Variants in CCDC61 observed in about 807,000 individuals in gnomAD.
CCDC61 encodes centrosomal protein CCDC61.
Under a neutral mutation model 63.0 loss-of-function variants are expected in CCDC61, and 55 were observed. The ratio of observed to expected loss-of-function variants is 0.87; its 90% CI spans 0.70 to 1.09. The LOEUF (loss-of-function observed/expected upper bound fraction) is 1.09, where lower values mean the gene tolerates loss of function less well. Ranked by LOEUF, CCDC61 falls within the 50% of genes least tolerant of loss-of-function variation. CCDC61 has a pLI of 0.00. For synonymous variants in CCDC61, 270 were observed against 317.0 expected (o/e 0.85, Z 1.58); for missense variants, 651 against 731.4 (o/e 0.89, Z 1.27).
At chr19:45,999,246 G>T (rs1368752872) in intron 1 of CCDC61, among the ~76,000 whole-genome samples, 2 of 152,096 alleles carry the variant, frequency 1.3e-5, no homozygotes, top group Admixed American at 1.3e-4. Flanking sequence ...TTCATTGCTT[G>T]GTTCCCCAGA....
At chr19:46,008,412 A>ATT (rs1292695888) in intron 5 of CCDC61, 111 bp downstream of exon 5, 1 of 935,302 alleles carries the variant, frequency 1.1e-6, no homozygotes, top group African/African-American at 1.7e-5. Context: ...CCCACCACGT[A>ATT]TTCTTTTTTT....
intron 1 of CCDC61, among the ~76,000 whole-genome samples, chr19:45,997,171 G>A (rs1013659083): frequency 6.6e-6 from 1 of 152,078 alleles, no homozygotes; most frequent in Non-Finnish European, 1.5e-5. Flanking sequence ...TGAACGCACT[G>A]CCACCTCAGG....
intron 1 of CCDC61, among the ~76,000 whole-genome samples, chr19:45,997,622 C>G (rs1968518178): frequency 6.6e-6 from 1 of 152,058 alleles, no homozygotes; most frequent in African/African-American, 2.4e-5. Flanking sequence ...AACTCCTGAC[C>G]TCAGGTGATC....
chr19:46,017,343 T>C (rs532880648), intron 12 of CCDC61, 39 bp downstream of exon 12: 3 of 1,524,904 alleles, frequency 2.0e-6, no homozygotes, highest in South Asian at 2.4e-5. Context: ...GGAACACAGC[T>C]GCCCCCATTT....
Position 46,005,483 on chromosome 19 carries a change from G to C in CCDC61, c.232-1076G>C, listed in dbSNP as rs548746241. Among the ~76,000 whole-genome samples the C allele has an allele frequency of 3.0e-4, 45 of 151,744 alleles. No homozygotes were observed. The South Asian group carries it at 9.4e-3, about 32-fold the overall frequency. Reference sequence around the variant, plus strand: ...ATGCATTGGTCATTTGGAAAATATTGGTTCACTAAGTTGTGCAGATTTTCC... The same window carrying C: ...ATGCATTGGTCATTTGGAAAATATTCGTTCACTAAGTTGTGCAGATTTTCC... On this transcript the variant is annotated intron_variant, in intron 3 of 13. Transcript: ENST00000595358.
intron 1 of CCDC61, 25 bp from the exon 2 acceptor site, chr19:46,002,983 G>A (rs1968619016): frequency 4.5e-6 from 7 of 1,551,622 alleles, no homozygotes; most frequent in Non-Finnish European, 6.1e-6. Context: ...GCTCCTCTAG[G>A]TTTCTCTCTC....
intron 1 of CCDC61, among the ~76,000 whole-genome samples, chr19:46,000,424 G>A (rs1446638023): frequency 6.6e-6 from 1 of 151,798 alleles, no homozygotes; most frequent in African/African-American, 2.4e-5. Context: ...GGAGGAGAGT[G>A]CGGCTGCCTC....
chr19:46,004,948 C>T (rs949845906), intron 3 of CCDC61, among the ~76,000 whole-genome samples: 6 of 146,944 alleles, frequency 4.1e-5, no homozygotes, highest in African/African-American at 1.3e-4. Flanking sequence ...AAGTGATTCT[C>T]ATGCCTCAGC....
Position 45,995,517 on chromosome 19 carries a change from G to A in CCDC61, c.-12+13G>A, listed in dbSNP as rs752115567. 1.9e-6 allele frequency: 1 copy of A among 518,860 alleles called. No individual in the cohort carries two copies. The highest frequency in any genetic ancestry group is 4.0e-6 in the Non-Finnish European group (1 of 252,342). The allele number at this position is 518,860 out of a possible 1,614,324, so 32.1% of individuals were successfully genotyped here. ...GCTAGTGGAGAAGGTGAGAGGCCGC[G>A]GGAGTGGCGGTTGCGCGGGCCGTGG... On this transcript the variant is annotated intron_variant, in intron 1 of 13. Transcript: ENST00000595358.
rs1968999836 is a variant in CCDC61, at chr19:46,018,501, C to G, written c.*114C>G. On this transcript the variant is annotated 3_prime_UTR_variant, in exon 14 of 14. Transcript: ENST00000595358. The surrounding 1 kb of genome is among the most constrained non-coding windows in gnomAD (Gnocchi z 4.2). ...CAGTCCCTGCCCTGGCCCCGTCCCT[C>G]CTGCTGCCCCTGGGGTCTCAGGTGT... 1 of 761,084 alleles carries G rather than the reference C, an allele frequency of 1.3e-6. No individual in the cohort carries two copies. The highest frequency in any genetic ancestry group is 2.2e-6 in the Non-Finnish European group (1 of 461,164). 47.1% of individuals were successfully genotyped at this position (761,084 alleles called of 1,614,324 possible).
Position 46,016,122 on chromosome 19 carries a change from C to A in CCDC61, c.914C>A (p.Ser305Tyr). Reference protein sequence around the residue: ...EDRASSSRERSASRGRGAARS... With the variant: ...EDRASSSRERYASRGRGAARS... The stretch of plus-strand genomic sequence containing the variant: ...CGGGCCTCATCGTCCCGGGAGCGCT[C>A]CGCGTCGCGAGGCCGCGGCGCCGCG... Residue 305 changes from serine to tyrosine, a missense_variant, in exon 8 of 14, where the codon TCC becomes TAC. Transcript: ENST00000595358. The surrounding 1 kb of genome is among the most constrained non-coding windows in gnomAD (Gnocchi z 7.2). 1 of 1,227,760 alleles carries A rather than the reference C, an allele frequency of 8.1e-7. No homozygotes were observed. Among genetic ancestry groups the A allele is most frequent in the South Asian group, 3.8e-5 (1 of 26,022 alleles). 76.1% of individuals were successfully genotyped at this position (1,227,760 alleles called of 1,614,324 possible).
chr19:46,017,451 G>T (rs951008968), intron 12 of CCDC61, 147 bp downstream of exon 12: 10 of 722,936 alleles, frequency 1.4e-5, no homozygotes, highest in Middle Eastern at 5.5e-4. Flanking sequence ...TCAGGCTGGG[G>T]TGCAGTGGGG....
intron 5 of CCDC61, among the ~76,000 whole-genome samples, chr19:46,009,235 G>T (rs145952970): frequency 1.2e-3 from 182 of 152,214 alleles, no homozygotes; most frequent in African/African-American, 3.9e-3. Flanking sequence ...AATGAATGAA[G>T]TGAAAGAAGC....
chr19:46,010,735 C>T (rs1040505901), intron 5 of CCDC61, among the ~76,000 whole-genome samples: 1 of 152,334 alleles, frequency 6.6e-6, no homozygotes, highest in East Asian at 1.9e-4. Context: ...ACTTGTCCCC[C>T]AGCTTCAACA....
Position 46,016,552 on chromosome 19 carries a change from G to C in CCDC61, c.1092-142G>C, listed in dbSNP as rs561317821. 7.1e-6 allele frequency: 10 copies of C among 1,409,600 alleles called. No individual in the cohort carries two copies. Among genetic ancestry groups the C allele is most frequent in the Middle Eastern group, 1.8e-4 (1 of 5,418 alleles). 87.3% of individuals were successfully genotyped at this position (1,409,600 alleles called of 1,614,324 possible). On this transcript the variant is annotated intron_variant, in intron 9 of 13. Transcript: ENST00000595358. This position sits in a 1 kb window ranked among gnomAD's most constrained non-coding sequence, Gnocchi z 7.2. ...TCCCTTCCGTCCGTCCTACCTCCTC[G>C]TCTGTGTTTCTGCGTGCTTTCCGCT...
chr19:46,016,807 ACCG>A lies in CCDC61; in HGVS notation c.1207_1209del (p.Arg403del). 2 of 1,519,590 alleles carry A rather than the reference ACCG, an allele frequency of 1.3e-6. No homozygotes were observed. The highest frequency in any genetic ancestry group is 1.8e-6 in the Non-Finnish European group (2 of 1,132,768). The allele number at this position is 1,519,590 out of a possible 1,614,324, so 94.1% of individuals were successfully genotyped here. On this transcript the variant is annotated inframe_deletion, in exon 10 of 14. Transcript: ENST00000595358. The surrounding 1 kb of genome is among the most constrained non-coding windows in gnomAD (Gnocchi z 7.2). ...TTGACTGGCCGAGGGGACGCCCCTA[ACCG>A]CTCCCGAAACCGCAGCTCCTCAGGT...
chr19:46,000,074 A>C (rs1968562090), intron 1 of CCDC61: 1 of 984,950 alleles, frequency 1.0e-6, no homozygotes, highest in Admixed American at 6.2e-5. Flanking sequence ...GGACAGGGTC[A>C]GCGGCGGGAG....
In CCDC61 at chr19:46,015,288, C is replaced by A. The variant is rs1305494834; in HGVS notation, c.762+29C>A. ...AGCAGCGGGGGCCCGGGGCGGCCAG[C>A]GAGGCGCGGACCTCGGCCTCAGCCT... On this transcript the variant is annotated intron_variant, in intron 6 of 13. Coordinates refer to ENST00000595358, the MANE Select transcript of CCDC61 (RefSeq NM_001267723.2). The surrounding 1 kb of genome is among the most constrained non-coding windows in gnomAD (Gnocchi z 5.3). 1.3e-6 allele frequency: 2 copies of A among 1,551,442 alleles called. No homozygotes were observed. Among genetic ancestry groups the A allele is most frequent in the Non-Finnish European group, 1.7e-6 (2 of 1,158,520 alleles).
rs759293965 is a variant in CCDC61, at chr19:46,016,412, C to T, written c.1091+19C>T. Reference sequence around the variant, plus strand: ...AGATGAAGTCAGTGCCCCTTCCTCCCTCACCTGCCCCTGTCCCTGGCCCGT... The same window carrying T: ...AGATGAAGTCAGTGCCCCTTCCTCCTTCACCTGCCCCTGTCCCTGGCCCGT... On this transcript the variant is annotated intron_variant, in intron 9 of 13. Coordinates refer to ENST00000595358, the MANE Select transcript of CCDC61 (RefSeq NM_001267723.2). The surrounding 1 kb of genome is among the most constrained non-coding windows in gnomAD (Gnocchi z 7.2). 4 of 1,612,378 alleles carry T rather than the reference C, an allele frequency of 2.5e-6. 1 individual carries two copies. The highest frequency in any genetic ancestry group is 2.2e-5 in the East Asian group (1 of 44,880).
Sources: gnomAD v4.1 joint callset for allele counts (sites outside exome capture counted in the v4.1 genomes callset) on GRCh38, gnomAD v4.1.1 for gene constraint, Gnocchi (gnomAD v3.1) non-coding constraint, MANE v1.5 for transcripts, NCBI Gene and HGNC (gene_info 2026-07-23, HGNC 2026-07-21) for gene names.